The following RHPN2 variants were observed in gnomAD, a reference collection of about 807,000 sequenced individuals.
RHPN2 encodes the protein rhophilin-2.
Under a neutral mutation model 79.0 loss-of-function variants are expected in RHPN2, and 40 were observed. The observed-to-expected ratio is 0.51, with a 90% CI of 0.39 to 0.66. The LOEUF is 0.66. Among genes scored for constraint, RHPN2 ranks in the 30% least tolerant of loss-of-function variants. The pLI is 0.00. For missense variants in RHPN2, 686 were observed against 883.5 expected (o/e 0.78, Z 2.83); for synonymous variants, 285 against 363.5 (o/e 0.78, Z 2.46).
chr19:32,992,774 G>A lies in RHPN2; in HGVS notation c.1498-805C>T, dbSNP rs1206360923. ...TGCAGTGAACTATGATTGTGCCACT[G>A]CACTCCAGCCTGGGTGAAAACAGAG... On this transcript the variant is annotated intron_variant, in intron 12 of 14. Transcript: ENST00000254260. 5.4e-5 allele frequency among the ~76,000 whole-genome samples: 8 copies of A among 148,158 alleles called. No homozygotes were observed. In the Admixed American group the frequency reaches 5.4e-4, roughly 10 times the overall value.
intron 1 of RHPN2, among the ~76,000 whole-genome samples, chr19:33,061,123 G>A (rs532298544): frequency 2.6e-5 from 4 of 151,860 alleles, no homozygotes; most frequent in Non-Finnish European, 5.9e-5. Flanking sequence ...TCCACACCCT[G>A]GGGGGGCCTA....
At chr19:33,012,756 G>C (rs1420751830) in intron 4 of RHPN2, 32 bp from the exon 5 acceptor site, 1 of 1,297,398 alleles carries the variant, frequency 7.7e-7, no homozygotes, top group Non-Finnish European at 1.1e-6. Flanking sequence ...ATGTTATAAA[G>C]TGTGGCTGAA....
chr19:33,021,755 C>T (rs1460085621), intron 3 of RHPN2, 109 bp from the exon 4 acceptor site: 3 of 772,028 alleles, frequency 3.9e-6, no homozygotes, highest in South Asian at 2.8e-5. Context: ...CCTCCTTACC[C>T]CATCCTGTAC....
At chr19:32,997,069 C>G (rs1195283052) in intron 10 of RHPN2, among the ~76,000 whole-genome samples, 1 of 152,102 alleles carries the variant, frequency 6.6e-6, no homozygotes, top group Non-Finnish European at 1.5e-5. Flanking sequence ...ATAATGTTTT[C>G]ACTATCATCA....
Position 33,012,711 on chromosome 19 carries a change from T to C in RHPN2, c.404A>G (p.Glu135Gly), listed in dbSNP as rs775421815. The stretch of plus-strand genomic sequence containing the variant: ...TAAATAGCCATCTTCACTGTAATGT[T>C]CCAGGATAAAATCCTTAAAGAAAAA... ...FAVVLKDFIL[E>G]HYSEDGYLYE... The change falls in exon 5 of 15, where the codon GAA becomes GGA. Residue 135 changes from glutamate to glycine, a missense_variant. Coordinates refer to ENST00000254260, the MANE Select transcript of RHPN2 (RefSeq NM_033103.5). 1.3e-6 allele frequency: 2 copies of C among 1,596,598 alleles called. No homozygotes were observed. The highest frequency in any genetic ancestry group is 1.7e-6 in the Non-Finnish European group (2 of 1,164,078).
Position 32,996,240 on chromosome 19 carries a change from C to A in RHPN2, c.1226-20G>T. On this transcript the variant is annotated intron_variant, in intron 10 of 14. Coordinates refer to ENST00000254260, the MANE Select transcript of RHPN2 (RefSeq NM_033103.5). The stretch of plus-strand genomic sequence containing the variant: ...ACTTCCCTGCAGACGGAAGCCAGCA[C>A]CCACGTGACTTGCAGATCCACCAAG... 1 of 1,612,950 alleles carries A rather than the reference C, an allele frequency of 6.2e-7. No homozygotes were observed. Among genetic ancestry groups the A allele is most frequent in the Non-Finnish European group, 8.5e-7 (1 of 1,179,960 alleles).
At chr19:33,010,233 C>T (rs1283153183) in intron 6 of RHPN2, among the ~76,000 whole-genome samples, 1 of 152,122 alleles carries the variant, frequency 6.6e-6, no homozygotes, top group African/African-American at 2.4e-5. Flanking sequence ...CTTTGCTTTC[C>T]ATGAGGAAGG....
chr19:32,996,327 G>T (rs1198528251), intron 10 of RHPN2, 107 bp from the exon 11 acceptor site: 3 of 1,160,568 alleles, frequency 2.6e-6, no homozygotes, highest in Non-Finnish European at 3.8e-6. Flanking sequence ...TAAAGGATCT[G>T]CCTGGATAGC....
intron 2 of RHPN2, among the ~76,000 whole-genome samples, chr19:33,038,742 C>T (rs1454636756): frequency 2.0e-5 from 3 of 152,180 alleles, no homozygotes; most frequent in Non-Finnish European, 2.9e-5. Context: ...ACTGCAACCT[C>T]GAACTCCTGG....
rs143358647 is a variant in RHPN2 at position 32,987,811 on chromosome 19, A to G, written c.1800+2703T>C. Among the ~76,000 whole-genome samples, 509 of 152,300 alleles carry G rather than the reference A, an allele frequency of 3.3e-3. 3 individuals carry two copies. Among genetic ancestry groups the G allele is most frequent in the South Asian group, 0.021 (101 of 4,828 alleles). On this transcript the variant is annotated intron_variant, in intron 14 of 14. Coordinates refer to ENST00000254260, the MANE Select transcript of RHPN2 (RefSeq NM_033103.5). ...TTTATGCTTACGTCTGACTGCTAAT[A>G]GCATCTGGAACATTCAAAACATGAC...
intron 7 of RHPN2, among the ~76,000 whole-genome samples, chr19:33,003,990 C>T (rs1435118174): frequency 2.0e-5 from 3 of 152,238 alleles, no homozygotes; most frequent in South Asian, 2.1e-4. Context: ...GCCTGGGCAA[C>T]GTACTGAGAC....
At chr19:33,036,731 G>A (rs1191933099) in intron 2 of RHPN2, among the ~76,000 whole-genome samples, 1 of 152,188 alleles carries the variant, frequency 6.6e-6, no homozygotes, top group South Asian at 2.1e-4. Flanking sequence ...CCCGCACTAG[G>A]AGCCGACGTC....
intron 7 of RHPN2, among the ~76,000 whole-genome samples, chr19:33,005,412 CAAAA>C (rs766044835): frequency 3.2e-5 from 2 of 62,724 alleles, no homozygotes; most frequent in Admixed American, 4.5e-4. Context: ...GATTCTGTCT[CAAAA>C]AAAAAAAAAA....
intron 10 of RHPN2, among the ~76,000 whole-genome samples, chr19:32,998,237 A>G (rs942403808): frequency 1.3e-5 from 2 of 152,192 alleles, no homozygotes; most frequent in African/African-American, 4.8e-5. Context: ...TTGTTAAATA[A>G]GCACTGTACA....
In RHPN2 at chr19:32,980,076, C is replaced by A; in HGVS notation, c.1981G>T (p.Val661Phe). Reference sequence around the variant, plus strand: ...TTGACCTGAGGCCGTGCAGCCCCGACCGATGGGAGGCACAAGGTGCTGGCT... The same window carrying A: ...TTGACCTGAGGCCGTGCAGCCCCGAACGATGGGAGGCACAAGGTGCTGGCT... ...KSASTLCLPS[V>F]GAARPQVKKK... The change falls in exon 15 of 15, where the codon GTC (valine) becomes TTC (phenylalanine). Residue 661 changes from valine (V) to phenylalanine (F), a missense_variant. Transcript: ENST00000254260. The A allele has an allele frequency of 6.2e-7, 1 of 1,613,884 alleles. No individual in the cohort carries two copies. Among genetic ancestry groups the A allele is most frequent in the Non-Finnish European group, 8.5e-7 (1 of 1,179,838 alleles).
intron 1 of RHPN2, 149 bp downstream of exon 1, chr19:33,064,635 C>A: frequency 1.3e-6 from 1 of 782,014 alleles, no homozygotes; most frequent in Non-Finnish European, 1.9e-6. Context: ...TCCCCGCCAG[C>A]CTCCGTCCGG....
At chr19:33,034,441 T>A (rs555971644) in intron 2 of RHPN2, among the ~76,000 whole-genome samples, 64 of 151,634 alleles carry the variant, frequency 4.2e-4, no homozygotes, top group African/African-American at 1.4e-3. Context: ...CTGTCTCTAC[T>A]AAAAATACAA....
At chr19:32,991,785 T>C (rs1157455747) in intron 13 of RHPN2, 38 bp downstream of exon 13, 4 of 1,613,794 alleles carry the variant, frequency 2.5e-6, no homozygotes, top group Non-Finnish European at 3.4e-6. Context: ...CACCCAGATA[T>C]CTGTGTTTGC....
At position 33,045,500 on chromosome 19, in the gene RHPN2, G is replaced by T. The variant is rs377433734; in HGVS notation, c.70-1136C>A. 3.7e-4 allele frequency among the ~76,000 whole-genome samples: 55 copies of T among 150,180 alleles called. 1 individual carries two copies. The South Asian group carries it at 0.011, about 31-fold the overall frequency. On this transcript the variant is annotated intron_variant, in intron 1 of 14. Transcript: ENST00000254260. ...ATCTGATTTTTTTTTTTTAGATGGA[G>T]TCTTGCTGTGTCATCCAGGCTGCAG...
Sources: gnomAD v4.1 joint callset for allele counts (sites outside exome capture counted in the v4.1 genomes callset) on GRCh38, gnomAD v4.1.1 for gene constraint, MANE v1.5 for transcripts, NCBI Gene and HGNC (gene_info 2026-07-23, HGNC 2026-07-21) for gene names.